Variants in RNF145 observed in about 807,000 individuals in gnomAD.
RNF145 encodes the protein ring finger protein 145.
A neutral mutation model predicts 57.3 loss-of-function variants in RNF145; 12 were observed. The ratio of observed to expected loss-of-function variants is 0.21; its 90% CI spans 0.13 to 0.34. The LOEUF (loss-of-function observed/expected upper bound fraction) is 0.34, where lower values mean the gene tolerates loss of function less well. Ranked by LOEUF, RNF145 falls within the 10% of genes least tolerant of loss-of-function variation. RNF145 has a pLI of 1.00. For synonymous variants in RNF145, 262 were observed against 288.3 expected, an observed-to-expected ratio of 0.91 and a Z score of 0.92; for missense variants, 429 against 799.0, an observed-to-expected ratio of 0.54 and a Z score of 5.58.
intron 6 of RNF145, among the ~76,000 whole-genome samples, chr5:159,172,224 T>C (rs1784582583): frequency 6.6e-6 from 1 of 152,124 alleles, no homozygotes. Flanking sequence ...GGCGTGGTGG[T>C]TCACACCTGT....
chr5:159,209,653 C>T (rs1042856609), upstream of RNF145: 5 of 978,774 alleles, frequency 5.1e-6, no homozygotes, highest in African/African-American at 6.8e-5. Context: ...CAATCGCGCC[C>T]GCGGAGTGCT....
intron 1 of RNF145, 54 bp from the exon 2 acceptor site, chr5:159,203,710 T>C: frequency 1.7e-6 from 2 of 1,177,944 alleles, no homozygotes; most frequent in Non-Finnish European, 2.4e-6. Flanking sequence ...CAAATCGCTT[T>C]TAGATACCCT....
At chr5:159,186,625 C>T (rs571110013) in intron 3 of RNF145, among the ~76,000 whole-genome samples, 2 of 152,258 alleles carry the variant, frequency 1.3e-5, no homozygotes, top group South Asian at 2.1e-4. Flanking sequence ...CACACATATA[C>T]GCACACAAAC....
chr5:159,184,326 T>C (rs1784990869), intron 3 of RNF145, among the ~76,000 whole-genome samples: 1 of 152,240 alleles, frequency 6.6e-6, no homozygotes, highest in South Asian at 2.1e-4. Flanking sequence ...AATTCTAATT[T>C]CACACAACAA....
intron 4 of RNF145, among the ~76,000 whole-genome samples, chr5:159,181,719 C>A (rs1176045299): frequency 1.4e-5 from 2 of 147,622 alleles, no homozygotes; most frequent in Non-Finnish European, 3.0e-5. Context: ...ACTTAAAAAA[C>A]CCTTAAAAAA....
chr5:159,193,968 G>GT (rs1785370033), intron 3 of RNF145, among the ~76,000 whole-genome samples: 1 of 152,184 alleles, frequency 6.6e-6, no homozygotes, highest in Non-Finnish European at 1.5e-5. Flanking sequence ...ACTTCATAGT[G>GT]TAACTTTTGG....
chr5:159,196,421 AAAGTT>A, intron 2 of RNF145, among the ~76,000 whole-genome samples: 1 of 152,252 alleles, frequency 6.6e-6, no homozygotes, highest in East Asian at 1.9e-4. Flanking sequence ...TCCTGCTCTA[AAAGTT>A]ATGAACCTGA....
intron 8 of RNF145, among the ~76,000 whole-genome samples, chr5:159,165,731 AAAT>A (rs751084571): frequency 0.12 from 655 of 5,568 alleles, 215 homozygotes; most frequent in Middle Eastern, 0.33. Context: ...AAAAAAAAAA[AAAT>A]AATAATATCC....
At chr5:159,160,650 T>C (rs1237468771) in intron 10 of RNF145, among the ~76,000 whole-genome samples, 1 of 152,208 alleles carries the variant, frequency 6.6e-6, no homozygotes, top group African/African-American at 2.4e-5. Flanking sequence ...CCAAAGTGAT[T>C]TAAGTACTAC....
intron 7 of RNF145, among the ~76,000 whole-genome samples, chr5:159,169,458 C>T (rs1418232058): frequency 6.6e-6 from 1 of 152,088 alleles, no homozygotes; most frequent in South Asian, 2.1e-4. Context: ...AAGGAAGGTG[C>T]CCAATATTCA....
At chr5:159,162,517 C>T (rs1268724975) in intron 9 of RNF145, among the ~76,000 whole-genome samples, 2 of 149,858 alleles carry the variant, frequency 1.3e-5, no homozygotes, top group Non-Finnish European at 3.0e-5. Flanking sequence ...TCACTGCAAG[C>T]TCCGCTTCCC....
chr5:159,170,973 A>G (rs2043270), intron 6 of RNF145, among the ~76,000 whole-genome samples: 10,217 of 152,256 alleles, frequency 0.067, 371 homozygotes, highest in Middle Eastern at 0.1. Context: ...CAGGCAATCA[A>G]TGCTTGTCCC....
At chr5:159,160,973 T>C (rs539184174) in intron 10 of RNF145, among the ~76,000 whole-genome samples, 10 of 152,342 alleles carry the variant, frequency 6.6e-5, no homozygotes, top group African/African-American at 2.4e-4. Flanking sequence ...CGTGTGAGTG[T>C]GTATTCAGGA....
intron 3 of RNF145, among the ~76,000 whole-genome samples, chr5:159,191,587 T>TC (rs1197073445): frequency 6.6e-6 from 1 of 152,012 alleles, no homozygotes; most frequent in Non-Finnish European, 1.5e-5. Flanking sequence ...GGTCAGGAGT[T>TC]CAAGACCAGC....
chr5:159,203,164 T>C (rs1180885821), intron 2 of RNF145, among the ~76,000 whole-genome samples: 1 of 152,212 alleles, frequency 6.6e-6, no homozygotes, highest in Non-Finnish European at 1.5e-5. Context: ...TCTCATTGTT[T>C]ATATTTCATC....
intron 2 of RNF145, among the ~76,000 whole-genome samples, chr5:159,201,707 A>C (rs1785673766): frequency 6.6e-6 from 1 of 152,230 alleles, no homozygotes; most frequent in Non-Finnish European, 1.5e-5. Flanking sequence ...CTGTATAAAA[A>C]GGGGGGAAAT....
chr5:159,175,963 T>C (rs895768027), intron 5 of RNF145, among the ~76,000 whole-genome samples: 3 of 152,168 alleles, frequency 2.0e-5, no homozygotes, highest in African/African-American at 7.2e-5. Flanking sequence ...ATTTCCCAAA[T>C]GTGTATTGTT....
chr5:159,177,189 C>T (rs1784745733), intron 4 of RNF145, among the ~76,000 whole-genome samples: 1 of 152,002 alleles, frequency 6.6e-6, no homozygotes, highest in Non-Finnish European at 1.5e-5. Context: ...AATTCAGTTG[C>T]TAATGTTTAT....
At chr5:159,188,127 T>C (rs777055364) in intron 3 of RNF145, among the ~76,000 whole-genome samples, 1 of 152,044 alleles carries the variant, frequency 6.6e-6, no homozygotes, top group Non-Finnish European at 1.5e-5. Flanking sequence ...TCATGCCTGT[T>C]ATCCCAGCAC....
Sources: gnomAD v4.1 joint callset for allele counts (sites outside exome capture counted in the v4.1 genomes callset) on GRCh38, gnomAD v4.1.1 for gene constraint, MANE v1.5 for transcripts, NCBI Gene and HGNC (gene_info 2026-07-23, HGNC 2026-07-21) for gene names.